S100Z: variants seen among roughly 807,000 people sequenced by gnomAD.
S100Z encodes the protein S100 calcium binding protein Z, also known as protein S100-Z.
A neutral mutation model predicts 8.5 loss-of-function variants in S100Z; 11 were observed. The observed-to-expected ratio is 1.30, with a 90% CI of 0.82 to 2.15. The LOEUF (loss-of-function observed/expected upper bound fraction) is 2.15. Among genes scored for constraint, S100Z ranks in the 30% most tolerant of loss-of-function variants. S100Z has a pLI of 0.00. For missense variants in S100Z, 126 were observed against 117.9 expected, an observed-to-expected ratio of 1.07 and a Z score of -0.32; for synonymous variants, 34 against 43.8, an observed-to-expected ratio of 0.78 and a Z score of 0.89.
the S100Z span, among the ~76,000 whole-genome samples, chr5:76,942,859 A>C: frequency 6.6e-6 from 1 of 152,226 alleles, no homozygotes; most frequent in Non-Finnish European, 1.5e-5. Context: ...GCCCCAGAGA[A>C]TGTAGAAAAT....
At chr5:76,864,577 T>C (rs1379550588) in intron 1 of S100Z, among the ~76,000 whole-genome samples, 3 of 151,782 alleles carry the variant, frequency 2.0e-5, no homozygotes, top group Non-Finnish European at 4.4e-5. Flanking sequence ...CTAATTTTTG[T>C]ATTTTTAGTA....
chr5:76,906,961 T>C (rs1411306133), intron 4 of S100Z, among the ~76,000 whole-genome samples: 1 of 137,858 alleles, frequency 7.3e-6, no homozygotes. Context: ...CTGAATAGTA[T>C]TCCATTGTGT....
At chr5:76,922,530 G>GTT (rs1561254881), downstream of S100Z, among the ~76,000 whole-genome samples, 1 of 151,970 alleles carries the variant, frequency 6.6e-6, no homozygotes, top group Non-Finnish European at 1.5e-5. Flanking sequence ...TTGTTTGTTT[G>GTT]TTTGTTTGTT....
chr5:76,908,888 C>T (rs1744548894), intron 4 of S100Z, among the ~76,000 whole-genome samples: 1 of 152,108 alleles, frequency 6.6e-6, no homozygotes, highest in Admixed American at 6.6e-5. Context: ...TCATTAAGGG[C>T]CACTAAATCC....
At chr5:76,876,315 G>A (rs191786577) in intron 3 of S100Z, among the ~76,000 whole-genome samples, 53 of 151,578 alleles carry the variant, frequency 3.5e-4, no homozygotes, top group African/African-American at 1.3e-3. Context: ...CATTTTTATA[G>A]TGATCTTAGA....
chr5:76,945,038 G>T, the S100Z span, among the ~76,000 whole-genome samples: 8 of 152,270 alleles, frequency 5.3e-5, no homozygotes, highest in East Asian at 1.5e-3. Flanking sequence ...ATTTTGACCT[G>T]TACTCTGAAC....
chr5:76,888,172 G>A (rs558709411), intron 4 of S100Z, among the ~76,000 whole-genome samples: 21 of 150,886 alleles, frequency 1.4e-4, no homozygotes, highest in South Asian at 4.2e-4. Flanking sequence ...CAGGAGAATC[G>A]CTGGAACCCA....
chr5:76,877,468 C>T (rs1454441237), intron 3 of S100Z, among the ~76,000 whole-genome samples: 19 of 152,066 alleles, frequency 1.2e-4, no homozygotes, highest in Admixed American at 1.2e-3. Context: ...AGGTCTGAGC[C>T]AGGATTATAT....
chr5:76,912,468 T>G (rs1744701156), intron 4 of S100Z, among the ~76,000 whole-genome samples: 2 of 152,200 alleles, frequency 1.3e-5, no homozygotes, highest in African/African-American at 4.8e-5. Context: ...GTTAATGATG[T>G]AACCGTACTT....
chr5:76,872,311 T>C (rs1743039400), intron 2 of S100Z, among the ~76,000 whole-genome samples: 1 of 152,106 alleles, frequency 6.6e-6, no homozygotes. Flanking sequence ...TTAGGACCTC[T>C]TGAGACAGTT....
At chr5:76,922,646 C>T (rs1046632760), downstream of S100Z, among the ~76,000 whole-genome samples, 1 of 152,160 alleles carries the variant, frequency 6.6e-6, no homozygotes, top group Non-Finnish European at 1.5e-5. Flanking sequence ...GCCTCAGCCT[C>T]CCGAGTAGCT....
chr5:76,896,256 T>G (rs999515258), intron 4 of S100Z, among the ~76,000 whole-genome samples: 1 of 152,248 alleles, frequency 6.6e-6, no homozygotes, highest in Admixed American at 6.5e-5. Context: ...GTTTTGATTT[T>G]TAGATCCCAT....
chr5:76,862,789 G>A (rs947282292), intron 1 of S100Z, among the ~76,000 whole-genome samples: 2 of 152,048 alleles, frequency 1.3e-5, no homozygotes, highest in African/African-American at 4.8e-5. Flanking sequence ...GCGACAGAGT[G>A]AGACTTGTGA....
chr5:76,856,483 A>G (rs1188899777), intron 1 of S100Z, among the ~76,000 whole-genome samples: 1 of 152,246 alleles, frequency 6.6e-6, no homozygotes, highest in Admixed American at 6.5e-5. Context: ...TAAAGGCATG[A>G]GCCACCAAAC....
At chr5:76,883,245 G>T (rs371818323) in intron 4 of S100Z, among the ~76,000 whole-genome samples, 13 of 152,256 alleles carry the variant, frequency 8.5e-5, no homozygotes, top group African/African-American at 2.9e-4. Context: ...AAGGTAGGGG[G>T]ATACGAGAGG....
At chr5:76,891,109 G>T (rs536057244) in intron 4 of S100Z, among the ~76,000 whole-genome samples, 3 of 152,046 alleles carry the variant, frequency 2.0e-5, no homozygotes. Flanking sequence ...TGATCTGCCC[G>T]CCTTGGGCTC....
chr5:76,856,790 G>A (rs964254679), intron 1 of S100Z, among the ~76,000 whole-genome samples: 3 of 152,164 alleles, frequency 2.0e-5, no homozygotes, highest in Non-Finnish European at 4.4e-5. Flanking sequence ...ACTCTCAGGG[G>A]CCTTGGGTTA....
chr5:76,870,567 A>G (rs58506553), intron 2 of S100Z, among the ~76,000 whole-genome samples: 4,096 of 152,072 alleles, frequency 0.027, 178 homozygotes, highest in African/African-American at 0.092. Context: ...CCTCAGTAAG[A>G]TTCCTGAGTA....
chr5:76,857,007 G>A (rs1453556537), intron 1 of S100Z, among the ~76,000 whole-genome samples: 1 of 152,100 alleles, frequency 6.6e-6, no homozygotes, highest in African/African-American at 2.4e-5. Flanking sequence ...CATAGTGAAA[G>A]GTCACAGAGG....
Sources: allele counts gnomAD v4.1 joint callset (sites outside exome capture counted in the v4.1 genomes callset), GRCh38; gene constraint gnomAD v4.1.1; transcripts MANE v1.5; gene names NCBI Gene and HGNC (gene_info 2026-07-23, HGNC 2026-07-21).